The following DDX10 variants were observed in gnomAD, a reference collection of about 807,000 sequenced individuals.
DDX10 encodes probable ATP-dependent RNA helicase DDX10.
DDX10 carries 74 observed loss-of-function variants against 104.3 expected under a neutral mutation model. The observed-to-expected ratio is 0.71, with a 90% CI of 0.59 to 0.86. The LOEUF (loss-of-function observed/expected upper bound fraction) is 0.86, where lower values mean the gene tolerates loss of function less well. Among genes scored for constraint, DDX10 ranks in the 40% least tolerant of loss-of-function variants. DDX10 has a pLI of 0.00. For missense variants in DDX10, 952 were observed against 1,040.0 expected (o/e 0.92, Z 1.16); for synonymous variants, 351 against 353.4 (o/e 0.99, Z 0.08).
chr11:108,932,153 A>G (rs1250552575), intron 17 of DDX10, among the ~76,000 whole-genome samples: 2 of 151,988 alleles, frequency 1.3e-5, no homozygotes, highest in African/African-American at 4.8e-5. Flanking sequence ...GACAATACAT[A>G]AACAAGGGGG....
intron 16 of DDX10, among the ~76,000 whole-genome samples, chr11:108,899,251 C>T (rs754985706): frequency 2.2e-4 from 33 of 151,846 alleles, no homozygotes; most frequent in Non-Finnish European, 3.5e-4. Flanking sequence ...CCCAACCCCC[C>T]GTGTTAAGTT....
intron 16 of DDX10, among the ~76,000 whole-genome samples, chr11:108,879,995 A>G (rs1017845008): frequency 3.3e-5 from 5 of 152,226 alleles, no homozygotes; most frequent in Non-Finnish European, 4.4e-5. Context: ...GGATCCTTGA[A>G]GACTAGTTTT....
At chr11:108,771,445 C>T (rs749523320) in intron 13 of DDX10, among the ~76,000 whole-genome samples, 2 of 152,002 alleles carry the variant, frequency 1.3e-5, no homozygotes, top group South Asian at 2.1e-4. Flanking sequence ...TGGAAAGCCA[C>T]GCCATTCTCC....
At chr11:108,888,342 G>T (rs1178982483) in intron 16 of DDX10, among the ~76,000 whole-genome samples, 1 of 152,002 alleles carries the variant, frequency 6.6e-6, no homozygotes, top group Admixed American at 6.6e-5. Flanking sequence ...ACTTATACTT[G>T]TTCAATATAT....
chr11:108,671,713 G>A (rs908140885), intron 1 of DDX10, among the ~76,000 whole-genome samples: 10 of 152,278 alleles, frequency 6.6e-5, no homozygotes, highest in Non-Finnish European at 8.8e-5. Context: ...GATTTGGCCC[G>A]TAGGCTGTAG....
chr11:108,817,135 T>A (rs969645750), intron 13 of DDX10, among the ~76,000 whole-genome samples: 2 of 152,234 alleles, frequency 1.3e-5, no homozygotes, highest in African/African-American at 4.8e-5. Flanking sequence ...CACTTAAATT[T>A]GCAGTTTCCA....
At chr11:108,894,312 T>TA (rs1004991701) in intron 16 of DDX10, among the ~76,000 whole-genome samples, 1 of 152,046 alleles carries the variant, frequency 6.6e-6, no homozygotes, top group African/African-American at 2.4e-5. Flanking sequence ...GTGAAGGTGG[T>TA]AAAGATGTAG....
At chr11:108,788,953 G>A (rs1861833308) in intron 13 of DDX10, among the ~76,000 whole-genome samples, 1 of 152,124 alleles carries the variant, frequency 6.6e-6, no homozygotes, top group Non-Finnish European at 1.5e-5. Context: ...TCCTTTGTTA[G>A]ATGTTCTGGT....
chr11:108,869,731 A>G (rs1863055744), intron 16 of DDX10, among the ~76,000 whole-genome samples: 1 of 152,046 alleles, frequency 6.6e-6, no homozygotes, highest in Admixed American at 6.5e-5. Flanking sequence ...TGCTTTCTGC[A>G]ATGTGTTCAT....
chr11:108,857,458 C>T (rs1042420149), intron 16 of DDX10, among the ~76,000 whole-genome samples: 2 of 152,138 alleles, frequency 1.3e-5, no homozygotes, highest in Non-Finnish European at 2.9e-5. Context: ...GAACTACTCC[C>T]GTGGTCCCCT....
chr11:108,769,819 T>G (rs2094360720), intron 13 of DDX10, among the ~76,000 whole-genome samples: 1 of 152,222 alleles, frequency 6.6e-6, no homozygotes, highest in South Asian at 2.1e-4. Context: ...GGGTTATACC[T>G]ATTGATATTT....
chr11:108,940,653 T>C lies in DDX10; in HGVS notation c.*230T>C. On this transcript the variant is annotated 3_prime_UTR_variant, in exon 18 of 18. Coordinates refer to ENST00000322536, the MANE Select transcript of DDX10 (RefSeq NM_004398.4). Reference sequence around the variant, plus strand: ...ATGATACCATTTCCTGACCCCGTTTTCCAGCATGTGTTCTGTTAGATTTTT... The same window carrying C: ...ATGATACCATTTCCTGACCCCGTTTCCCAGCATGTGTTCTGTTAGATTTTT... The C allele has an allele frequency of 2.6e-6, 1 of 384,978 alleles. No individual in the cohort carries two copies. Among genetic ancestry groups the C allele is most frequent in the South Asian group, 5.9e-5 (1 of 17,046 alleles). The allele number at this position is 384,978 out of a possible 1,614,324, so 23.8% of individuals were successfully genotyped here. A position where few individuals can be genotyped will look rare whatever the true frequency, so the allele number is the denominator to read the frequency against.
At chr11:108,847,058 A>G (rs1565297189) in intron 15 of DDX10, among the ~76,000 whole-genome samples, 1 of 152,204 alleles carries the variant, frequency 6.6e-6, no homozygotes, top group Non-Finnish European at 1.5e-5. Flanking sequence ...TCTGGCACTT[A>G]TAGGTAGCTG....
intron 15 of DDX10, among the ~76,000 whole-genome samples, chr11:108,846,728 A>G (rs1275089991): frequency 1.3e-5 from 2 of 152,198 alleles, no homozygotes; most frequent in African/African-American, 4.8e-5. Context: ...TAACGTTGCA[A>G]TAAACATGAG....
At chr11:108,818,947 T>C (rs964898794) in intron 13 of DDX10, among the ~76,000 whole-genome samples, 1 of 152,216 alleles carries the variant, frequency 6.6e-6, no homozygotes, top group African/African-American at 2.4e-5. Context: ...CCATTGTTGG[T>C]GTAATTATTC....
chr11:108,839,210 G>T (rs1186919996), intron 14 of DDX10, among the ~76,000 whole-genome samples: 1 of 152,142 alleles, frequency 6.6e-6, no homozygotes, highest in African/African-American at 2.4e-5. Context: ...CCTAAGGAGT[G>T]GTTACAGTAG....
At position 108,665,077 on chromosome 11, in the gene DDX10, C is replaced by T. The variant is rs558537805; in HGVS notation, c.-77C>T. On this transcript the variant is annotated 5_prime_UTR_variant, in exon 1 of 18. Transcript: ENST00000322536. ...CGCGCATGCGCCTCTGTGCGTTTGTCCCATGCTGGTTCCGTGAGTCTGGCC... is the reference window on the plus strand; with the variant it reads ...CGCGCATGCGCCTCTGTGCGTTTGTTCCATGCTGGTTCCGTGAGTCTGGCC... 1.9e-5 allele frequency: 28 copies of T among 1,457,976 alleles called. No individual in the cohort carries two copies. The highest frequency in any genetic ancestry group is 2.8e-5 in the Admixed American group (1 of 35,748). 90.3% of individuals were successfully genotyped at this position (1,457,976 alleles called of 1,614,324 possible). A position where few individuals can be genotyped will look rare whatever the true frequency, so the allele number is the denominator to read the frequency against.
At chr11:108,673,572 A>G (rs919295909) in intron 2 of DDX10, 45 bp downstream of exon 2, 17 of 1,404,132 alleles carry the variant, frequency 1.2e-5, no homozygotes, top group Non-Finnish European at 1.5e-5. Flanking sequence ...ATTTCTTGGC[A>G]TTTTTGATAA....
intron 13 of DDX10, among the ~76,000 whole-genome samples, chr11:108,762,765 C>T (rs562186434): frequency 2.6e-5 from 4 of 151,880 alleles, no homozygotes; most frequent in Admixed American, 1.3e-4. Flanking sequence ...ACATTTTTAC[C>T]CTCACATTTA....
Sources: allele counts gnomAD v4.1 joint callset (sites outside exome capture counted in the v4.1 genomes callset), GRCh38; gene constraint gnomAD v4.1.1; transcripts MANE v1.5; gene names NCBI Gene and HGNC (gene_info 2026-07-23, HGNC 2026-07-21).